WDFY2: variants seen among roughly 807,000 people sequenced by gnomAD.
WDFY2 encodes the protein WD repeat and FYVE domain-containing protein 2.
Under a neutral mutation model 56.4 loss-of-function variants are expected in WDFY2, and 36 were observed. The observed-to-expected ratio is 0.64, with a 90% CI of 0.49 to 0.84. The LOEUF (loss-of-function observed/expected upper bound fraction) is 0.84. Among genes scored for constraint, WDFY2 ranks in the 40% least tolerant of loss-of-function variants. The probability of loss-of-function intolerance (pLI) is 0.00; values close to 1 mark genes in which losing one functional copy is unlikely to be tolerated. For synonymous variants in WDFY2, 176 were observed against 183.7 expected (o/e 0.96, Z 0.34); for missense variants, 444 against 512.2 (o/e 0.87, Z 1.29).
chr13:51,584,787 C>T lies in WDFY2; in HGVS notation c.100C>T (p.Pro34Ser), dbSNP rs755172328. 1 of 1,613,916 alleles carries T rather than the reference C, an allele frequency of 6.2e-7. No individual in the cohort carries two copies. The highest frequency in any genetic ancestry group is 1.1e-5 in the South Asian group (1 of 91,074). Residue 34 changes from proline to serine, a missense_variant, in exon 1 of 12, where the codon CCC becomes TCC. Transcript: ENST00000298125. ...GGTGGTGAATATGGCCGTGATCGTGCCCAAAGAGGAGGGCGTCATCAGCGT... is the reference window on the plus strand; with the variant it reads ...GGTGGTGAATATGGCCGTGATCGTGTCCAAAGAGGAGGGCGTCATCAGCGT... Reference protein sequence around the residue: ...QEVVNMAVIVPKEEGVISVSE... With the variant: ...QEVVNMAVIVSKEEGVISVSE...
intron 4 of WDFY2, among the ~76,000 whole-genome samples, chr13:51,713,446 C>T (rs920105626): frequency 6.6e-6 from 1 of 152,124 alleles, no homozygotes; most frequent in African/African-American, 2.4e-5. Flanking sequence ...CCTAAATGCC[C>T]ATCAACACAT....
rs1425282388 is a variant in WDFY2, at chr13:51,703,651, G to T, written c.334+1G>T. On this transcript the variant is annotated splice_donor_variant, in intron 4 of 11. Transcript: ENST00000298125. LOFTEE classifies it high-confidence loss of function. ...ATGACTCCTGTGAAAAACTATCAAG[G>T]TAGGGAGTGAGAGGAGTACCTTCAT... 1 of 1,609,234 alleles carries T rather than the reference G, an allele frequency of 6.2e-7. No homozygotes were observed. Among genetic ancestry groups the T allele is most frequent in the Admixed American group, 1.7e-5 (1 of 59,492 alleles).
chr13:51,609,601 A>AACCCCCCCCC (rs1566311232), intron 1 of WDFY2, among the ~76,000 whole-genome samples: 2 of 66,996 alleles, frequency 3.0e-5, no homozygotes, highest in Non-Finnish European at 5.7e-5. Context: ...AAAAACCCCA[A>AACCCCCCCCC]CCCCCGCCCC....
At chr13:51,709,207 A>G (rs188707470) in intron 4 of WDFY2, among the ~76,000 whole-genome samples, 1 of 152,326 alleles carries the variant, frequency 6.6e-6, no homozygotes, top group African/African-American at 2.4e-5. Flanking sequence ...AGTTTGTTTT[A>G]TTTATACATT....
rs572925054 is a variant in WDFY2 at position 51,765,552 on chromosome 13, G to C, written c.*5783G>C. 1 of 152,224 alleles carries C rather than the reference G, an allele frequency of 6.6e-6. No homozygotes were observed. The highest frequency in any genetic ancestry group is 1.5e-5 in the Non-Finnish European group (1 of 68,064). 9.4% of individuals were successfully genotyped at this position (152,224 alleles called of 1,614,324 possible). A position where few individuals can be genotyped will look rare whatever the true frequency, so the allele number is the denominator to read the frequency against. ...CATTCTTAAAGTCCCTTCCAATCCT[G>C]TGATTCTCTGATTCCCTGAGTCTCG... On this transcript the variant is annotated 3_prime_UTR_variant, in exon 12 of 12. Transcript: ENST00000298125.
rs2138782892 is a variant in WDFY2 at position 51,759,913 on chromosome 13, C to T, written c.*144C>T. On this transcript the variant is annotated 3_prime_UTR_variant, in exon 12 of 12. Coordinates refer to ENST00000298125, the MANE Select transcript of WDFY2 (RefSeq NM_052950.4). ...AATGAATTTGCAGATTACCCATGTG[C>T]ACAGTGGGGACCTGGCCAGTGAGCA... 1.2e-6 allele frequency: 1 copy of T among 836,604 alleles called. No individual in the cohort carries two copies. Among genetic ancestry groups the T allele is most frequent in the Non-Finnish European group, 1.9e-6 (1 of 526,862 alleles). The allele number at this position is 836,604 out of a possible 1,614,324, so 51.8% of individuals were successfully genotyped here.
At chr13:51,617,533 C>T (rs1825783446) in intron 1 of WDFY2, among the ~76,000 whole-genome samples, 1 of 152,174 alleles carries the variant, frequency 6.6e-6, no homozygotes, top group Non-Finnish European at 1.5e-5. Flanking sequence ...CTCTTATCTT[C>T]TTTTCCCCCA....
chr13:51,654,429 A>G (rs1955467638), intron 1 of WDFY2, among the ~76,000 whole-genome samples: 2 of 152,156 alleles, frequency 1.3e-5, no homozygotes, highest in African/African-American at 2.4e-5. Flanking sequence ...CTGTCCGACA[A>G]TCCCCAGTGA....
intron 11 of WDFY2, 63 bp from the exon 12 acceptor site, chr13:51,759,677 T>G: frequency 6.4e-7 from 1 of 1,556,424 alleles, no homozygotes; most frequent in Non-Finnish European, 8.8e-7. Context: ...AGAATTCAGT[T>G]CTAAGGACTG....
chr13:51,643,363 C>T (rs188796767), intron 1 of WDFY2, among the ~76,000 whole-genome samples: 5 of 152,302 alleles, frequency 3.3e-5, no homozygotes, highest in Admixed American at 6.5e-5. Context: ...CTGCTCTTTC[C>T]ATTTACTGTT....
At chr13:51,755,736 T>G (rs1244049706) in intron 9 of WDFY2, among the ~76,000 whole-genome samples, 2 of 152,238 alleles carry the variant, frequency 1.3e-5, no homozygotes, top group Admixed American at 6.5e-5. Context: ...AGAGGTGTCA[T>G]GCTTAGTTCG....
At chr13:51,660,861 A>G (rs1427774835) in intron 2 of WDFY2, among the ~76,000 whole-genome samples, 198 bp downstream of exon 2, 1 of 152,238 alleles carries the variant, frequency 6.6e-6, no homozygotes, top group Non-Finnish European at 1.5e-5. Flanking sequence ...CTCTATATTC[A>G]TAGCTTCTGA....
At chr13:51,627,089 A>G (rs1302328526) in intron 1 of WDFY2, among the ~76,000 whole-genome samples, 2 of 152,242 alleles carry the variant, frequency 1.3e-5, no homozygotes, top group Non-Finnish European at 2.9e-5. Flanking sequence ...TGGCTGGACC[A>G]GGTATACTGC....
chr13:51,756,397 C>T lies in WDFY2; in HGVS notation c.999C>T (p.Pro333=). The part of the protein sequence containing the change: ...GKCSSKRSSI[P]LMGFEFEVRV... ...GCAGCTCCAAGCGCTCCTCCATCCC[C>T]CTGATGGGCTTCGAGTTTGAAGTGA... Residue 333 remains proline, a synonymous_variant, in exon 10 of 12, where the codon CCC becomes CCT. Transcript: ENST00000298125. 6.2e-7 allele frequency: 1 copy of T among 1,614,152 alleles called. No homozygotes were observed. The highest frequency in any genetic ancestry group is 8.5e-7 in the Non-Finnish European group (1 of 1,180,030).
At chr13:51,621,712 C>T (rs1954729523) in intron 1 of WDFY2, among the ~76,000 whole-genome samples, 1 of 152,102 alleles carries the variant, frequency 6.6e-6, no homozygotes, top group Non-Finnish European at 1.5e-5. Context: ...TGATACTGGC[C>T]AGATTCGTCC....
At chr13:51,671,876 C>G (rs549214303) in intron 2 of WDFY2, among the ~76,000 whole-genome samples, 1 of 150,800 alleles carries the variant, frequency 6.6e-6, no homozygotes, top group Non-Finnish European at 1.5e-5. Context: ...CTCTGCCTCC[C>G]GGATTCAAGC....
chr13:51,615,603 A>G (rs766481213), intron 1 of WDFY2, among the ~76,000 whole-genome samples: 120 of 152,228 alleles, frequency 7.9e-4, no homozygotes, highest in Non-Finnish European at 1.2e-3. Flanking sequence ...TAAATCATGC[A>G]TTGCAATTAA....
In WDFY2 at chr13:51,584,711, G is replaced by A. The variant is rs572094629; in HGVS notation, c.24G>A (p.Lys8=). The change falls in exon 1 of 12, where the codon AAG becomes AAA. Residue 8 remains lysine (K), a synonymous_variant. Transcript: ENST00000298125. The part of the protein sequence containing the change: MAAEIQP[K]PLTRKPILLQ... The stretch of plus-strand genomic sequence containing the variant: ...CGATGGCGGCGGAGATCCAGCCCAA[G>A]CCTCTGACCCGCAAGCCGATCCTGC... 1.9e-6 allele frequency: 3 copies of A among 1,613,282 alleles called. No individual in the cohort carries two copies. In the South Asian group the frequency reaches 3.3e-5, roughly 18 times the overall value.
intron 2 of WDFY2, among the ~76,000 whole-genome samples, chr13:51,670,456 G>A (rs1157236577): frequency 6.6e-6 from 1 of 150,742 alleles, no homozygotes; most frequent in African/African-American, 2.4e-5. Flanking sequence ...ATGGTTTGAG[G>A]AGCATTGTAC....
Sources: allele counts gnomAD v4.1 joint callset (sites outside exome capture counted in the v4.1 genomes callset), GRCh38; gene constraint gnomAD v4.1.1; transcripts MANE v1.5; gene names NCBI Gene and HGNC (gene_info 2026-07-23, HGNC 2026-07-21).